CAMTA1: variants seen among roughly 807,000 people sequenced by gnomAD.
CAMTA1 encodes the protein calmodulin-binding transcription activator 1.
Under a neutral mutation model 170.9 loss-of-function variants are expected in CAMTA1, and 27 were observed. The observed-to-expected ratio is 0.16, with a 90% confidence interval of 0.12 to 0.22. The LOEUF (loss-of-function observed/expected upper bound fraction) is 0.22, where lower values mean the gene tolerates loss of function less well. Among genes scored for constraint, CAMTA1 ranks in the 10% least tolerant of loss-of-function variants. The pLI is 1.00. For synonymous variants in CAMTA1, 833 were observed against 891.5 expected, an observed-to-expected ratio of 0.93 and a Z score of 1.17; for missense variants, 1,619 against 2,217.2, an observed-to-expected ratio of 0.73 and a Z score of 5.42.
intron 6 of CAMTA1, among the ~76,000 whole-genome samples, chr1:7,525,925 C>T (rs1287782429): frequency 6.6e-6 from 1 of 152,034 alleles, no homozygotes; most frequent in Non-Finnish European, 1.5e-5. Flanking sequence ...CCTGTGGGAG[C>T]CCCCACCCAG....
chr1:7,330,219 A>G lies in CAMTA1; in HGVS notation c.438+80593A>G, dbSNP rs528412507. ...CGTGAGATCTCTACTCCACAGAGCA[A>G]CTTACAGAGGTGGGAATATAGTATG... On this transcript the variant is annotated intron_variant, in intron 5 of 22. Transcript: ENST00000303635. Among the ~76,000 whole-genome samples the G allele has an allele frequency of 2.6e-5, 4 of 152,312 alleles. No homozygotes were observed. In the South Asian group the frequency reaches 8.3e-4, roughly 32 times the overall value.
chr1:6,800,984 A>G (rs7536222), intron 1 of CAMTA1, among the ~76,000 whole-genome samples: 28,975 of 152,186 alleles, frequency 0.19, 2,831 homozygotes, highest in East Asian at 0.29. Context: ...AGCTTTGATG[A>G]AAGTTTCTTC....
chr1:7,563,887 A>G (rs980667708), intron 6 of CAMTA1, among the ~76,000 whole-genome samples: 1 of 152,182 alleles, frequency 6.6e-6, no homozygotes, highest in Non-Finnish European at 1.5e-5. Context: ...ACATAAGAAC[A>G]GGAGAGCTAA....
At chr1:7,651,887 G>A (rs897046625) in intron 7 of CAMTA1, among the ~76,000 whole-genome samples, 3 of 152,226 alleles carry the variant, frequency 2.0e-5, no homozygotes, top group Non-Finnish European at 4.4e-5. Context: ...CTAAATTCTC[G>A]CCTCTTCTTC....
chr1:7,069,749 G>A (rs1342466868), intron 3 of CAMTA1, among the ~76,000 whole-genome samples: 1 of 152,156 alleles, frequency 6.6e-6, no homozygotes, highest in Non-Finnish European at 1.5e-5. Flanking sequence ...GCTTGTGTGT[G>A]GCTGCTAACT....
At chr1:6,801,331 C>T (rs1010841015) in intron 1 of CAMTA1, among the ~76,000 whole-genome samples, 14 of 152,152 alleles carry the variant, frequency 9.2e-5, no homozygotes, top group African/African-American at 2.9e-4. Flanking sequence ...TCTGTCCTCT[C>T]CAAGTATTTT....
intron 6 of CAMTA1, among the ~76,000 whole-genome samples, chr1:7,569,517 C>T (rs1185005728): frequency 6.6e-6 from 1 of 151,382 alleles, no homozygotes; most frequent in Non-Finnish European, 1.5e-5. Flanking sequence ...ATTACCATTA[C>T]CTTCATCATT....
chr1:7,334,823 T>C (rs2083253319), intron 5 of CAMTA1, among the ~76,000 whole-genome samples: 1 of 152,170 alleles, frequency 6.6e-6, no homozygotes, highest in African/African-American at 2.4e-5. Context: ...GAGAGCCAGC[T>C]CTGCCAAGCC....
chr1:6,798,241 G>C (rs1028456029), intron 1 of CAMTA1, among the ~76,000 whole-genome samples: 1 of 151,930 alleles, frequency 6.6e-6, no homozygotes, highest in African/African-American at 2.4e-5. Context: ...ACCCACCTCG[G>C]CCTCCCAAAG....
At chr1:7,143,716 G>T (rs1273247760) in intron 4 of CAMTA1, among the ~76,000 whole-genome samples, 10 of 152,094 alleles carry the variant, frequency 6.6e-5, no homozygotes, top group African/African-American at 2.4e-4. Context: ...CCCTTTCCTA[G>T]TGATGGGATA....
chr1:7,605,274 C>A (rs2095477441), intron 6 of CAMTA1, among the ~76,000 whole-genome samples: 1 of 152,220 alleles, frequency 6.6e-6, no homozygotes, highest in Non-Finnish European at 1.5e-5. Flanking sequence ...TATGCCCTGC[C>A]CCCAGAGGTG....
At chr1:7,183,666 A>G (rs1490433006) in intron 4 of CAMTA1, among the ~76,000 whole-genome samples, 1 of 152,178 alleles carries the variant, frequency 6.6e-6, no homozygotes, top group Admixed American at 6.5e-5. Context: ...GATGGTTTCT[A>G]TGAACTGGCA....
chr1:7,683,068 G>A (rs942767318), intron 11 of CAMTA1, among the ~76,000 whole-genome samples: 4 of 151,954 alleles, frequency 2.6e-5, no homozygotes, highest in Non-Finnish European at 5.9e-5. Flanking sequence ...CCAGCTACTC[G>A]GGAGGCTGAG....
chr1:7,087,085 G>T (rs1363189387), intron 3 of CAMTA1, among the ~76,000 whole-genome samples: 1 of 152,118 alleles, frequency 6.6e-6, no homozygotes, highest in South Asian at 2.1e-4. Flanking sequence ...TCTATACCTC[G>T]GTTTTTTTCC....
At chr1:6,916,158 C>T (rs1680734427) in intron 3 of CAMTA1, among the ~76,000 whole-genome samples, 2 of 152,182 alleles carry the variant, frequency 1.3e-5, no homozygotes, top group Admixed American at 6.5e-5. Flanking sequence ...TCTTTGCTTT[C>T]TCCTGCTATC....
rs1453490469 is a variant in CAMTA1, at chr1:6,827,919, ACT to A, written c.234+2712_234+2713del. On this transcript the variant is annotated intron_variant, in intron 3 of 22. Coordinates refer to ENST00000303635, the MANE Select transcript of CAMTA1 (RefSeq NM_015215.4). ...TATTTAGAAGCTGTGTTGTACAAAA[ACT>A]CTATTTCTTAGATCCCACTGAAGGG... 2.6e-5 allele frequency among the ~76,000 whole-genome samples: 4 copies of A among 151,864 alleles called. No individual in the cohort carries two copies. In the East Asian group the frequency reaches 5.8e-4, roughly 22 times the overall value.
intron 4 of CAMTA1, among the ~76,000 whole-genome samples, chr1:7,139,755 G>A (rs780167804): frequency 4.6e-5 from 7 of 152,132 alleles, no homozygotes; most frequent in Non-Finnish European, 1.0e-4. Context: ...GTGGATGGAC[G>A]GATAAATGGG....
chr1:7,111,528 G>C (rs529291423), intron 4 of CAMTA1, among the ~76,000 whole-genome samples: 1 of 152,172 alleles, frequency 6.6e-6, no homozygotes, highest in Non-Finnish European at 1.5e-5. Context: ...TTCAGAGAAT[G>C]GTGTTGGACA....
chr1:7,151,006 C>T (rs1646541398), intron 4 of CAMTA1, among the ~76,000 whole-genome samples: 1 of 152,224 alleles, frequency 6.6e-6, no homozygotes, highest in East Asian at 1.9e-4. Context: ...ATTAATGCCA[C>T]AGATGTTTAC....
Sources: gnomAD v4.1 joint callset for allele counts (sites outside exome capture counted in the v4.1 genomes callset) on GRCh38, gnomAD v4.1.1 for gene constraint, MANE v1.5 for transcripts, NCBI Gene and HGNC (gene_info 2026-07-23, HGNC 2026-07-21) for gene names.